The following ATXN10 variants were observed in gnomAD, a reference collection of about 807,000 sequenced individuals.
ATXN10 encodes ataxin-10.
Under a neutral mutation model 52.9 loss-of-function variants are expected in ATXN10, and 28 were observed. The ratio of observed to expected loss-of-function variants is 0.53; its 90% CI spans 0.39 to 0.73. The LOEUF (loss-of-function observed/expected upper bound fraction) is 0.73. Among genes scored for constraint, ATXN10 ranks in the 30% least tolerant of loss-of-function variants. The pLI is 0.00. For synonymous variants in ATXN10, 226 were observed against 221.5 expected, an observed-to-expected ratio of 1.02 and a Z score of -0.18; for missense variants, 565 against 577.0, an observed-to-expected ratio of 0.98 and a Z score of 0.21.
In ATXN10 at chr22:45,681,779, A is replaced by T. The variant is rs1922933775; in HGVS notation, c.117-7933A>T. 6.6e-6 allele frequency among the ~76,000 whole-genome samples: 1 copy of T among 151,240 alleles called. No individual in the cohort carries two copies. The highest frequency in any genetic ancestry group is 2.4e-5 in the African/African-American group (1 of 41,080). Reference sequence around the variant, plus strand: ...TCCCGCTGTTTGCCCTGGTCCCTTGACTCTCCTGCTCCCCGAGTCAGGTAT... The same window carrying T: ...TCCCGCTGTTTGCCCTGGTCCCTTGTCTCTCCTGCTCCCCGAGTCAGGTAT... On this transcript the variant is annotated intron_variant, in intron 1 of 11. Coordinates refer to ENST00000252934, the MANE Select transcript of ATXN10 (RefSeq NM_013236.4). The surrounding 1 kb of genome is among the most constrained non-coding windows in gnomAD (Gnocchi z 4.2).
chr22:45,760,260 A>G (rs960890553), intron 9 of ATXN10, among the ~76,000 whole-genome samples: 2 of 152,192 alleles, frequency 1.3e-5, no homozygotes, highest in African/African-American at 2.4e-5. Flanking sequence ...TGCGGGCCAG[A>G]TGCATCTGAG....
At position 45,833,882 on chromosome 22, in the gene ATXN10, C is replaced by A. The variant is rs773809223; in HGVS notation, c.1238-9109C>A. On this transcript the variant is annotated intron_variant, in intron 10 of 11. Coordinates refer to ENST00000252934, the MANE Select transcript of ATXN10 (RefSeq NM_013236.4). This position sits in a 1 kb window ranked among gnomAD's most constrained non-coding sequence, Gnocchi z 4.3. ...CGATACGGCATCGCGATCAGGGGAG[C>A]GGATGCCAGAGCCTGACTGCCTACT... is the stretch of plus-strand genomic sequence containing the variant. 6.6e-6 allele frequency among the ~76,000 whole-genome samples: 1 copy of A among 152,134 alleles called. No homozygotes were observed. Among genetic ancestry groups the A allele is most frequent in the South Asian group, 2.1e-4 (1 of 4,826 alleles).
rs933422895 is a variant in ATXN10, at chr22:45,821,839, A to G, written c.1237+14817A>G. 1.4e-4 allele frequency among the ~76,000 whole-genome samples: 22 copies of G among 152,344 alleles called. 2 individuals carry two copies. The highest frequency in any genetic ancestry group is 1.1e-3 in the Admixed American group (17 of 15,300). On this transcript the variant is annotated intron_variant, in intron 10 of 11. Coordinates refer to ENST00000252934, the MANE Select transcript of ATXN10 (RefSeq NM_013236.4). ...GTTTTTATTTTGAAATGTAACGTGC[A>G]TACTGAAAAGTGAAGCCAATATATA...
Position 45,750,168 on chromosome 22 carries a change from TCA to T in ATXN10, c.1173+9633_1173+9634del, listed in dbSNP as rs763810280. ...CCCAGGCTGGAGTGCAGTGGTGTGA[TCA>T]CAGCTCACCGCAGTTCTGTGCTCAA... On this transcript the variant is annotated intron_variant, in intron 9 of 11. Coordinates refer to ENST00000252934, the MANE Select transcript of ATXN10 (RefSeq NM_013236.4). The surrounding 1 kb of genome is among the most constrained non-coding windows in gnomAD (Gnocchi z 4.2). 1.3e-5 allele frequency among the ~76,000 whole-genome samples: 2 copies of T among 152,158 alleles called. No homozygotes were observed. The highest frequency in any genetic ancestry group is 3.9e-4 in the East Asian group (2 of 5,194).
chr22:45,806,551 G>A (rs1311770275), intron 9 of ATXN10, among the ~76,000 whole-genome samples: 1 of 152,064 alleles, frequency 6.6e-6, no homozygotes, highest in Admixed American at 6.5e-5. Flanking sequence ...TGTTGCTTCC[G>A]GATTGAATCA....
At position 45,696,248 on chromosome 22, in the gene ATXN10, G is replaced by A. The variant is rs921217516; in HGVS notation, c.391+3170G>A. On this transcript the variant is annotated intron_variant, in intron 3 of 11. Transcript: ENST00000252934. This position sits in a 1 kb window ranked among gnomAD's most constrained non-coding sequence, Gnocchi z 4.7. ...TGGGGAATTATAAATTAGCAGTAAAGTCCGTGTTTCACAGTGTCACTTGGA... is the reference window on the plus strand; with the variant it reads ...TGGGGAATTATAAATTAGCAGTAAAATCCGTGTTTCACAGTGTCACTTGGA... 1.3e-5 allele frequency among the ~76,000 whole-genome samples: 2 copies of A among 152,168 alleles called. No individual in the cohort carries two copies. Among genetic ancestry groups the A allele is most frequent in the African/African-American group, 2.4e-5 (1 of 41,444 alleles).
rs1928585418 is a variant in ATXN10 at position 45,819,672 on chromosome 22, AG to A, written c.1237+12651del. Among the ~76,000 whole-genome samples, 1 of 152,168 alleles carries A rather than the reference AG, an allele frequency of 6.6e-6. No individual in the cohort carries two copies. The highest frequency in any genetic ancestry group is 1.5e-5 in the Non-Finnish European group (1 of 68,042). On this transcript the variant is annotated intron_variant, in intron 10 of 11. Transcript: ENST00000252934. The surrounding 1 kb of genome is among the most constrained non-coding windows in gnomAD (Gnocchi z 4.5). ...TGCCTGTGCATGAAGTGCTGAGATG[AG>A]TTCTTGGCCTGTGGTCTGTGCTTGT...
chr22:45,719,801 A>T (rs1253655601), intron 6 of ATXN10, among the ~76,000 whole-genome samples: 1 of 151,860 alleles, frequency 6.6e-6, no homozygotes, highest in Non-Finnish European at 1.5e-5. Context: ...CCCCTGCTTT[A>T]TTTTTCTTCT....
rs1206266561 is a variant in ATXN10 at position 45,740,707 on chromosome 22, CACACACACACACATATAT to C, written c.1173+171_1173+188del. Reference sequence around the variant, plus strand: ...ACACACACACACACACACACACACACACACACACACACATATATATACACACACACACGTGTGTGTGTG... The same window carrying C: ...ACACACACACACACACACACACACACATACACACACACACGTGTGTGTGTG... On this transcript the variant is annotated intron_variant, in intron 9 of 11. Transcript: ENST00000252934. The C allele has an allele frequency of 1.4e-5, 6 of 418,314 alleles. 1 individual carries two copies. The highest frequency in any genetic ancestry group is 1.2e-4 in the African/African-American group (5 of 41,858). The allele number at this position is 418,314 out of a possible 1,614,324, so 25.9% of individuals were successfully genotyped here.
rs994311640 is a variant in ATXN10, at chr22:45,727,126, A to G, written c.729-2299A>G. ...TGTATCCCAGAAGTTTTGATAAATT[A>G]TATCTCTGTTATCATTTATTTTGAA... On this transcript the variant is annotated intron_variant, in intron 6 of 11. Transcript: ENST00000252934. The surrounding 1 kb of genome is among the most constrained non-coding windows in gnomAD (Gnocchi z 4.6). Among the ~76,000 whole-genome samples, 1 of 152,138 alleles carries G rather than the reference A, an allele frequency of 6.6e-6. No homozygotes were observed. The highest frequency in any genetic ancestry group is 1.5e-5 in the Non-Finnish European group (1 of 68,012).
Position 45,696,205 on chromosome 22 carries a change from A to T in ATXN10, c.391+3127A>T, listed in dbSNP as rs1326844876. Among the ~76,000 whole-genome samples, 2 of 152,204 alleles carry T rather than the reference A, an allele frequency of 1.3e-5. No homozygotes were observed. Among genetic ancestry groups the T allele is most frequent in the Non-Finnish European group, 2.9e-5 (2 of 68,038 alleles). On this transcript the variant is annotated intron_variant, in intron 3 of 11. Coordinates refer to ENST00000252934, the MANE Select transcript of ATXN10 (RefSeq NM_013236.4). The surrounding 1 kb of genome is among the most constrained non-coding windows in gnomAD (Gnocchi z 4.7). ...TAGCTCTATTTTATAATAAAAGGGA[A>T]GCATCAGTACTCAAAATTGGGGAAT... is the stretch of plus-strand genomic sequence containing the variant.
chr22:45,761,664 TA>T (rs1284285665), intron 9 of ATXN10, among the ~76,000 whole-genome samples: 1 of 152,238 alleles, frequency 6.6e-6, no homozygotes, highest in African/African-American at 2.4e-5. Flanking sequence ...TTTATTTATC[TA>T]TTTTTTTATC....
In ATXN10 at chr22:45,740,713, C is replaced by T. The variant is rs59881016; in HGVS notation, c.1173+175C>T. ...ACACACACACACACACACACACACA[C>T]ACACACATATATATACACACACACA... On this transcript the variant is annotated intron_variant, in intron 9 of 11. Coordinates refer to ENST00000252934, the MANE Select transcript of ATXN10 (RefSeq NM_013236.4). The T allele has an allele frequency of 2.6e-4, 87 of 334,180 alleles. 4 individuals carry two copies. Among genetic ancestry groups the T allele is most frequent in the Middle Eastern group, 8.3e-4 (1 of 1,198 alleles). The allele number at this position is 334,180 out of a possible 1,614,324, so 20.7% of individuals were successfully genotyped here. A position where few individuals can be genotyped will look rare whatever the true frequency, so the allele number is the denominator to read the frequency against.
At chr22:45,710,657 G>T (rs1194767872) in intron 5 of ATXN10, among the ~76,000 whole-genome samples, 1 of 152,096 alleles carries the variant, frequency 6.6e-6, no homozygotes, top group African/African-American at 2.4e-5. Flanking sequence ...CCGGCCCACT[G>T]CTTCTTTTTA....
chr22:45,738,553 T>C, intron 7 of ATXN10, 178 bp from the exon 8 acceptor site: 1 of 591,506 alleles, frequency 1.7e-6, no homozygotes. Flanking sequence ...AAATGATGAG[T>C]CGTGTACATA....
rs980878627 is a variant in ATXN10, at chr22:45,684,044, T to G, written c.117-5668T>G. Among the ~76,000 whole-genome samples, 7 of 152,102 alleles carry G rather than the reference T, an allele frequency of 4.6e-5. No homozygotes were observed. The highest frequency in any genetic ancestry group is 1.7e-4 in the African/African-American group (7 of 41,422). On this transcript the variant is annotated intron_variant, in intron 1 of 11. Coordinates refer to ENST00000252934, the MANE Select transcript of ATXN10 (RefSeq NM_013236.4). The surrounding 1 kb of genome is among the most constrained non-coding windows in gnomAD (Gnocchi z 4.1). ...ATAGCTCACCATAGCCTTGAACTCC[T>G]GGGTTCAAGCAGTCCTTCTGCATCA...
rs758406831 is a variant in ATXN10, at chr22:45,735,179, A to G, written c.895-3552A>G. Among the ~76,000 whole-genome samples the G allele has an allele frequency of 7.2e-5, 11 of 152,242 alleles. No homozygotes were observed. The South Asian group carries it at 1.2e-3, about 17-fold the overall frequency. On this transcript the variant is annotated intron_variant, in intron 7 of 11. Coordinates refer to ENST00000252934, the MANE Select transcript of ATXN10 (RefSeq NM_013236.4). ...TAGGCATGGGCCACCGTGCCCGGCCAGGTTGTATTTTAATATAAACATTTA... is the reference window on the plus strand; with the variant it reads ...TAGGCATGGGCCACCGTGCCCGGCCGGGTTGTATTTTAATATAAACATTTA...
chr22:45,774,255 G>A lies in ATXN10; in HGVS notation c.1174-32704G>A, dbSNP rs1261434396. On this transcript the variant is annotated intron_variant, in intron 9 of 11. Coordinates refer to ENST00000252934, the MANE Select transcript of ATXN10 (RefSeq NM_013236.4). The surrounding 1 kb of genome is among the most constrained non-coding windows in gnomAD (Gnocchi z 6.2). ...GAGTTTTTGGCCTCCATAACTCTGT[G>A]ACTGTTGACCATGGCCATCTGTCCA... is the stretch of plus-strand genomic sequence containing the variant. Among the ~76,000 whole-genome samples the A allele has an allele frequency of 1.3e-5, 2 of 152,236 alleles. No homozygotes were observed. The highest frequency in any genetic ancestry group is 2.9e-5 in the Non-Finnish European group (2 of 68,042).
rs1927420445 is a variant in ATXN10 at position 45,789,126 on chromosome 22, A to T, written c.1174-17833A>T. On this transcript the variant is annotated intron_variant, in intron 9 of 11. Transcript: ENST00000252934. The surrounding 1 kb of genome is among the most constrained non-coding windows in gnomAD (Gnocchi z 4.0). ...GTGCTTCTTCAGACTGTATCAGCAC[A>T]TCTTCATGAGCTGAAAGGCTCACCT... Among the ~76,000 whole-genome samples the T allele has an allele frequency of 6.6e-6, 1 of 152,218 alleles. No homozygotes were observed. Among genetic ancestry groups the T allele is most frequent in the Non-Finnish European group, 1.5e-5 (1 of 68,044 alleles).
Sources: allele counts gnomAD v4.1 joint callset (sites outside exome capture counted in the v4.1 genomes callset), GRCh38; gene constraint gnomAD v4.1.1; non-coding constraint Gnocchi (gnomAD v3.1); transcripts MANE v1.5; gene names NCBI Gene and HGNC (gene_info 2026-07-23, HGNC 2026-07-21).